Variants in CCDC73 observed in about 807,000 individuals in gnomAD.
CCDC73 encodes the protein coiled-coil domain-containing protein 73.
Under a neutral mutation model 116.5 loss-of-function variants are expected in CCDC73, and 95 were observed. The ratio of observed to expected loss-of-function variants is 0.82; its 90% CI spans 0.69 to 0.97. CCDC73 has a LOEUF of 0.97. Among genes scored for constraint, CCDC73 ranks in the 50% least tolerant of loss-of-function variants. The pLI, the probability that CCDC73 is intolerant of heterozygous loss-of-function variation, is 0.00. For synonymous variants in CCDC73, 398 were observed against 401.3 expected (o/e 0.99, Z 0.10); for missense variants, 1,066 against 1,206.8 (o/e 0.88, Z 1.73).
At chr11:32,741,365 T>C (rs1259455092) in intron 2 of CCDC73, among the ~76,000 whole-genome samples, 2 of 152,168 alleles carry the variant, frequency 1.3e-5, no homozygotes, top group African/African-American at 2.4e-5. Context: ...TGTTAATGCA[T>C]ATATTTTTAC....
intron 12 of CCDC73, among the ~76,000 whole-genome samples, chr11:32,645,291 CTTTTT>C (rs397689348): frequency 8.3e-6 from 1 of 121,080 alleles, no homozygotes; most frequent in Non-Finnish European, 1.7e-5. Flanking sequence ...TTTTCTTTTT[CTTTTT>C]TTTTTTTTTT....
chr11:32,660,573 C>T (rs1855914069), intron 9 of CCDC73, among the ~76,000 whole-genome samples: 1 of 151,768 alleles, frequency 6.6e-6, no homozygotes, highest in South Asian at 2.1e-4. Context: ...ACCTGTAATC[C>T]CAGCACTTTG....
intron 1 of CCDC73, among the ~76,000 whole-genome samples, chr11:32,770,986 A>G (rs1237221033): frequency 6.6e-6 from 1 of 152,194 alleles, no homozygotes; most frequent in East Asian, 1.9e-4. Flanking sequence ...AGACCATGGA[A>G]AAATTCAAGG....
At chr11:32,798,251 C>T (rs1193978824), upstream of CCDC73, among the ~76,000 whole-genome samples, 1 of 152,246 alleles carries the variant, frequency 6.6e-6, no homozygotes, top group Non-Finnish European at 1.5e-5. Flanking sequence ...GCACAAAGTG[C>T]ATAGCACTGT....
intron 2 of CCDC73, among the ~76,000 whole-genome samples, chr11:32,727,788 T>A (rs1590616090): frequency 6.6e-6 from 1 of 152,014 alleles, no homozygotes; most frequent in Non-Finnish European, 1.5e-5. Flanking sequence ...GCCAGGCTGG[T>A]CTTGAACTCC....
At chr11:32,645,345 G>A (rs1281827659) in intron 12 of CCDC73, among the ~76,000 whole-genome samples, 3 of 138,058 alleles carry the variant, frequency 2.2e-5, no homozygotes, top group Admixed American at 8.0e-5. Flanking sequence ...AGGCTGGGCT[G>A]CAATGGCGCG....
At chr11:32,643,775 C>T (rs1401838685) in intron 12 of CCDC73, among the ~76,000 whole-genome samples, 1 of 151,958 alleles carries the variant, frequency 6.6e-6, no homozygotes, top group East Asian at 1.9e-4. Context: ...TATTACTCAC[C>T]AATATAGGCT....
chr11:32,628,901 C>T (rs940608003), intron 14 of CCDC73, among the ~76,000 whole-genome samples: 2 of 151,676 alleles, frequency 1.3e-5, no homozygotes, highest in Non-Finnish European at 2.9e-5. Flanking sequence ...ACAGCTATTA[C>T]AAATGTTCAA....
chr11:32,746,097 A>G (rs1850236292), intron 2 of CCDC73, among the ~76,000 whole-genome samples: 1 of 152,176 alleles, frequency 6.6e-6, no homozygotes, highest in Non-Finnish European at 1.5e-5. Context: ...TGCTTCCTTC[A>G]GGAGCTCTTG....
chr11:32,710,792 C>G (rs1198511272), intron 3 of CCDC73, among the ~76,000 whole-genome samples: 1 of 152,110 alleles, frequency 6.6e-6, no homozygotes, highest in South Asian at 2.1e-4. Context: ...GTATTAAAGT[C>G]CCCCACTATT....
intron 12 of CCDC73, 76 bp from the exon 13 acceptor site, chr11:32,642,158 C>T (rs1855739566): frequency 7.4e-7 from 1 of 1,346,014 alleles, no homozygotes; most frequent in Non-Finnish European, 9.6e-7. Context: ...GTTGCTTGGA[C>T]CTTTGCTTCT....
At chr11:32,652,266 T>C (rs1249126986) in intron 12 of CCDC73, among the ~76,000 whole-genome samples, 1 of 149,616 alleles carries the variant, frequency 6.7e-6, no homozygotes, top group Non-Finnish European at 1.5e-5. Flanking sequence ...ATCATGCCAC[T>C]GCACTCCAGC....
chr11:32,784,118 T>A (rs957256482), intron 1 of CCDC73, among the ~76,000 whole-genome samples: 1 of 152,026 alleles, frequency 6.6e-6, no homozygotes, highest in African/African-American at 2.4e-5. Flanking sequence ...TCACCTAAGG[T>A]CGGGAGTTCA....
chr11:32,803,565 T>A, the CCDC73 span, among the ~76,000 whole-genome samples: 44 of 152,236 alleles, frequency 2.9e-4, no homozygotes, highest in Non-Finnish European at 1.0e-4. Flanking sequence ...TACCTTTAGC[T>A]TGACTAGATC....
At chr11:32,626,479 T>C (rs909715761) in intron 14 of CCDC73, among the ~76,000 whole-genome samples, 2 of 152,092 alleles carry the variant, frequency 1.3e-5, no homozygotes, top group African/African-American at 4.8e-5. Context: ...AAAACTACTT[T>C]AAAGTTCATA....
At chr11:32,690,333 G>A (rs553133101) in intron 6 of CCDC73, among the ~76,000 whole-genome samples, 35 of 152,230 alleles carry the variant, frequency 2.3e-4, no homozygotes, top group African/African-American at 7.9e-4. Flanking sequence ...GAAGATTTAG[G>A]TTCACAGCAA....
chr11:32,703,054 T>C (rs1849827609), intron 3 of CCDC73, 110 bp from the exon 4 acceptor site: 1 of 768,864 alleles, frequency 1.3e-6, no homozygotes, highest in African/African-American at 1.7e-5. Flanking sequence ...CTACATATAT[T>C]ATTTTGTGTT....
intron 2 of CCDC73, among the ~76,000 whole-genome samples, chr11:32,732,902 G>A (rs577812117): frequency 2.6e-5 from 4 of 151,996 alleles, no homozygotes; most frequent in South Asian, 2.1e-4. Flanking sequence ...TGATAGGATC[G>A]AATTCACACA....
At chr11:32,767,202 C>T (rs571824921) in intron 1 of CCDC73, among the ~76,000 whole-genome samples, 1 of 152,180 alleles carries the variant, frequency 6.6e-6, no homozygotes, top group South Asian at 2.1e-4. Flanking sequence ...ACAAACCTGA[C>T]AAAAACAAGA....
Sources: allele counts gnomAD v4.1 joint callset (sites outside exome capture counted in the v4.1 genomes callset), GRCh38; gene constraint gnomAD v4.1.1; transcripts MANE v1.5; gene names NCBI Gene and HGNC (gene_info 2026-07-23, HGNC 2026-07-21).